ABCC8: variants seen among roughly 807,000 people sequenced by gnomAD.
ABCC8 encodes ATP binding cassette subfamily C member 8.
ABCC8 carries 137 observed loss-of-function variants against 188.0 expected under a neutral mutation model. The observed-to-expected ratio is 0.73, with a 90% CI of 0.63 to 0.84. The LOEUF (loss-of-function observed/expected upper bound fraction) is 0.84, where lower values mean the gene tolerates loss of function less well. ABCC8 is among the 40% of genes least tolerant of loss of function. ABCC8 has a pLI of 0.00. For synonymous variants in ABCC8, 797 were observed against 846.5 expected (o/e 0.94, Z 1.01); for missense variants, 1,750 against 2,072.7 (o/e 0.84, Z 3.02).
intron 22 of ABCC8, among the ~76,000 whole-genome samples, chr11:17,408,952 C>CT (rs376681171): frequency 0.53 from 66,239 of 125,844 alleles, 20,143 homozygotes; most frequent in Non-Finnish European, 0.67. Context: ...ATCAATAAAT[C>CT]TTTTTTTTTT....
chr11:17,467,337 G>C (rs1280880521), intron 3 of ABCC8, among the ~76,000 whole-genome samples: 1 of 152,188 alleles, frequency 6.6e-6, no homozygotes, highest in African/African-American at 2.4e-5. Context: ...GAATCCGCTT[G>C]AACCCAGGAA....
intron 3 of ABCC8, among the ~76,000 whole-genome samples, chr11:17,469,072 TC>T (rs1209529221): frequency 9.5e-5 from 6 of 63,322 alleles, no homozygotes; most frequent in East Asian, 4.6e-4. Context: ...CTCCCTCCCT[TC>T]CCTCCCTCCC....
In ABCC8 at chr11:17,408,417, T is replaced by C. The variant is rs1382984015; in HGVS notation, c.2795A>G (p.Asn932Ser). The C allele has an allele frequency of 6.2e-7, 1 of 1,613,616 alleles. No individual in the cohort carries two copies. Among genetic ancestry groups the C allele is most frequent in the Middle Eastern group, 1.8e-4 (1 of 5,696 alleles). Residue 932 changes from asparagine to serine, a missense_variant, in exon 23 of 39, where the codon AAC (asparagine) becomes AGC (serine). Coordinates refer to ENST00000389817, the MANE Select transcript of ABCC8 (RefSeq NM_000352.6). ...CTTCTCCAGCTCTTGGTCCTGTCGGTTCATGAGGGTCTTCCAGTGCTCAAA... is the reference window on the plus strand; with the variant it reads ...CTTCTCCAGCTCTTGGTCCTGTCGGCTCATGAGGGTCTTCCAGTGCTCAAA... ...QLFEHWKTLM[N>S]RQDQELEKET...
At position 17,406,638 on chromosome 11, in the gene ABCC8, T is replaced by A. The variant is rs949645934; in HGVS notation, c.3313A>T (p.Ile1105Phe). Residue 1105 changes from isoleucine (I) to phenylalanine (F), a missense_variant, in exon 26 of 39, where the codon ATC (isoleucine) becomes TTC (phenylalanine). Coordinates refer to ENST00000389817, the MANE Select transcript of ABCC8 (RefSeq NM_000352.6). ...GACGGGTACCTCATGGGGGCTAGGATGATCCGGTTTAGCAGGCTGCGGTGC... is the reference window on the plus strand; with the variant it reads ...GACGGGTACCTCATGGGGGCTAGGAAGATCCGGTTTAGCAGGCTGCGGTGC... Reference protein sequence around the residue: ...RLHRSLLNRIILAPMRFFETT... With the variant: ...RLHRSLLNRIFLAPMRFFETT... The A allele has an allele frequency of 6.2e-7, 1 of 1,614,118 alleles. No homozygotes were observed. Among genetic ancestry groups the A allele is most frequent in the Non-Finnish European group, 8.5e-7 (1 of 1,179,972 alleles).
At chr11:17,457,118 G>T (rs1287769906) in intron 6 of ABCC8, among the ~76,000 whole-genome samples, 3 of 152,210 alleles carry the variant, frequency 2.0e-5, no homozygotes, top group South Asian at 2.1e-4. Flanking sequence ...AGGTACTCTA[G>T]GCCAGACCAG....
chr11:17,416,168 C>T (rs1207803053), intron 17 of ABCC8, among the ~76,000 whole-genome samples: 1 of 152,250 alleles, frequency 6.6e-6, no homozygotes, highest in South Asian at 2.1e-4. Context: ...AGGCCAGAGG[C>T]TTAAACTTAT....
chr11:17,475,172 A>C, intron 1 of ABCC8, 145 bp from the exon 2 acceptor site: 1 of 1,255,830 alleles, frequency 8.0e-7, no homozygotes, highest in East Asian at 2.6e-5. Context: ...GTACACACAA[A>C]CTAAACGTCC....
rs189603359 is a variant in ABCC8, at chr11:17,453,034, G to A, written c.1176+85C>T. The A allele has an allele frequency of 0.012, 14,513 of 1,209,622 alleles. 137 individuals are homozygous for A. The highest frequency in any genetic ancestry group is 0.015 in the Non-Finnish European group (12,281 of 814,248). The allele number at this position is 1,209,622 out of a possible 1,614,324, so 74.9% of individuals were successfully genotyped here. On this transcript the variant is annotated intron_variant, in intron 7 of 38. Coordinates refer to ENST00000389817, the MANE Select transcript of ABCC8 (RefSeq NM_000352.6). ...AAATTTACAGCAGAATTATTCTTGA[G>A]TGTCCATGAGGATGAATAACACTCA... is the stretch of plus-strand genomic sequence containing the variant.
chr11:17,411,607 C>T (rs1428147210), intron 21 of ABCC8, among the ~76,000 whole-genome samples: 1 of 152,190 alleles, frequency 6.6e-6, no homozygotes, highest in Non-Finnish European at 1.5e-5. Context: ...CTCCCTCTTT[C>T]CTTCTGTTTA....
chr11:17,462,014 C>G, intron 4 of ABCC8, 189 bp from the exon 5 acceptor site: 3 of 652,716 alleles, frequency 4.6e-6, no homozygotes, highest in Non-Finnish European at 5.7e-6. Flanking sequence ...TCAGGGCATC[C>G]TGACTTTGTA....
chr11:17,471,663 G>A lies in ABCC8; in HGVS notation c.291-1441C>T, dbSNP rs1173604656. ...GATCTCTGTCATAAAGGAGAGGCAT[G>A]TCGGCAGCATGCCCTCTCTGCTCAT... On this transcript the variant is annotated intron_variant, in intron 2 of 38. Transcript: ENST00000389817. 2.6e-5 allele frequency among the ~76,000 whole-genome samples: 4 copies of A among 152,234 alleles called. No homozygotes were observed. The East Asian group carries it at 7.7e-4, about 29-fold the overall frequency.
intron 10 of ABCC8, among the ~76,000 whole-genome samples, chr11:17,439,309 A>G (rs191343561): frequency 1.4e-4 from 21 of 152,266 alleles, no homozygotes; most frequent in African/African-American, 4.6e-4. Context: ...TGGCGAGACC[A>G]TCAGACAGAG....
At chr11:17,457,839 A>C (rs1957050557) in intron 6 of ABCC8, among the ~76,000 whole-genome samples, 1 of 152,226 alleles carries the variant, frequency 6.6e-6, no homozygotes, top group Non-Finnish European at 1.5e-5. Flanking sequence ...AATAAACCAC[A>C]GGTGCCTCGC....
At chr11:17,435,902 C>T in intron 10 of ABCC8, 2 of 1,361,450 alleles carry the variant, frequency 1.5e-6, no homozygotes, top group Non-Finnish European at 2.1e-6. Context: ...TCAAAGTTCC[C>T]AGGGAGTAAC....
intron 10 of ABCC8, among the ~76,000 whole-genome samples, chr11:17,440,396 G>C (rs2133586709): frequency 6.6e-6 from 1 of 152,324 alleles, no homozygotes; most frequent in South Asian, 2.1e-4. Flanking sequence ...GACTGACAGA[G>C]AGAAGGTTGA....
chr11:17,450,242 CT>C (rs1261824416), intron 7 of ABCC8, among the ~76,000 whole-genome samples: 1 of 52,592 alleles, frequency 1.9e-5, no homozygotes, highest in Non-Finnish European at 3.5e-5. Context: ...CCTTTCTTTT[CT>C]TTTTCTTTCT....
Position 17,397,693 on chromosome 11 carries a change from G to T in ABCC8, c.3858C>A (p.Tyr1286Ter), listed in dbSNP as rs377045545. The change falls in exon 31 of 39, where the codon TAC becomes TAA. Residue 1286 changes from tyrosine (Y) to a stop codon, truncating the protein, a stop_gained. Transcript: ENST00000389817. LOFTEE classifies it high-confidence loss of function. ...SAGLVGLGLT[Y>*]ALMVSNYLNW... Reference sequence around the variant, plus strand: ...GCCCACTGCCGCTCACCATTAGGGCGTAGGTAAGGCCCAGGCCCACCAGGC... The same window carrying T: ...GCCCACTGCCGCTCACCATTAGGGCTTAGGTAAGGCCCAGGCCCACCAGGC... 6.2e-7 allele frequency: 1 copy of T among 1,612,656 alleles called. No individual in the cohort carries two copies. Among genetic ancestry groups the T allele is most frequent in the Non-Finnish European group, 8.5e-7 (1 of 1,179,990 alleles).
At chr11:17,444,044 C>A (rs1292474718) in intron 8 of ABCC8, among the ~76,000 whole-genome samples, 2 of 151,484 alleles carry the variant, frequency 1.3e-5, no homozygotes, top group African/African-American at 2.5e-5. Flanking sequence ...AGAGAAAGGA[C>A]TGCTTGCCTT....
At chr11:17,402,509 G>A (rs1038663562) in intron 29 of ABCC8, 152 bp downstream of exon 29, 2 of 1,516,368 alleles carry the variant, frequency 1.3e-6, no homozygotes, top group African/African-American at 2.8e-5. Flanking sequence ...CCCTGCTGGT[G>A]GATATCCCTT....
Sources: allele counts gnomAD v4.1 joint callset (sites outside exome capture counted in the v4.1 genomes callset), GRCh38; gene constraint gnomAD v4.1.1; transcripts MANE v1.5; gene names NCBI Gene and HGNC (gene_info 2026-07-23, HGNC 2026-07-21).